Variants in AOPEP observed in about 807,000 individuals in gnomAD.
AOPEP encodes the protein aminopeptidase O.
In AOPEP, 77 loss-of-function variants were observed where a neutral mutation model predicts 98.1. The observed-to-expected ratio is 0.78, with a 90% CI of 0.65 to 0.95. The LOEUF is 0.95. AOPEP is among the 40% of genes least tolerant of loss of function. The pLI is 0.00. For synonymous variants in AOPEP, 346 were observed against 365.3 expected, an observed-to-expected ratio of 0.95 and a Z score of 0.60; for missense variants, 1,024 against 1,024.7, an observed-to-expected ratio of 1.00 and a Z score of 0.01.
intron 9 of AOPEP, among the ~76,000 whole-genome samples, chr9:94,967,355 G>C (rs1379047430): frequency 6.6e-6 from 1 of 152,160 alleles, no homozygotes; most frequent in Admixed American, 6.5e-5. Context: ...AGCAACGCAA[G>C]AGAGTTGCAG....
chr9:94,760,177 T>C lies in AOPEP; in HGVS notation c.394T>C (p.Cys132Arg). 2 of 1,614,228 alleles carry C rather than the reference T, an allele frequency of 1.2e-6. No individual in the cohort carries two copies. Among genetic ancestry groups the C allele is most frequent in the Non-Finnish European group, 1.7e-6 (2 of 1,180,042 alleles). Residue 132 changes from cysteine (C) to arginine (R), a missense_variant, in exon 2 of 17, where the codon TGT (cysteine) becomes CGT (arginine). Transcript: ENST00000375315. ...TGGGATTTCTAGCTCAAAGTACTGCTGTGACACAGGGAATCATGGGAGTGA... is the reference window on the plus strand; with the variant it reads ...TGGGATTTCTAGCTCAAAGTACTGCCGTGACACAGGGAATCATGGGAGTGA... ...ASGISSSKYC[C>R]DTGNHGSEDF... is the part of the protein sequence containing the mutation.
chr9:95,054,631 C>T (rs1284514184), intron 13 of AOPEP, among the ~76,000 whole-genome samples: 1 of 152,122 alleles, frequency 6.6e-6, no homozygotes, highest in Non-Finnish European at 1.5e-5. Flanking sequence ...TTCTGTGGTG[C>T]CACTTTTAGA....
chr9:94,957,369 T>G (rs943797853), intron 9 of AOPEP, among the ~76,000 whole-genome samples: 1 of 152,028 alleles, frequency 6.6e-6, no homozygotes, highest in Admixed American at 6.6e-5. Context: ...CACGACACCC[T>G]GCTAATTTTT....
intron 13 of AOPEP, among the ~76,000 whole-genome samples, chr9:95,017,156 G>T (rs1007147549): frequency 6.6e-6 from 1 of 151,996 alleles, no homozygotes; most frequent in Non-Finnish European, 1.5e-5. Context: ...GATCCTATTC[G>T]TATACAAGTG....
chr9:95,079,994 T>G (rs2069554309), intron 14 of AOPEP, among the ~76,000 whole-genome samples: 1 of 152,096 alleles, frequency 6.6e-6, no homozygotes, highest in Non-Finnish European at 1.5e-5. Flanking sequence ...CAGCACTGAG[T>G]CAAATCTGCT....
intron 11 of AOPEP, among the ~76,000 whole-genome samples, chr9:95,001,279 T>C (rs532117194): frequency 7.9e-5 from 12 of 152,378 alleles, no homozygotes; most frequent in African/African-American, 2.9e-4. Context: ...AGCAATGGTA[T>C]TTTCCTCAGC....
chr9:95,050,632 C>G (rs574230044), intron 13 of AOPEP, among the ~76,000 whole-genome samples: 2 of 152,342 alleles, frequency 1.3e-5, no homozygotes, highest in East Asian at 3.9e-4. Flanking sequence ...ACCACCTCCC[C>G]CCTGCTCCTT....
At chr9:94,906,303 A>C (rs2051125072) in intron 5 of AOPEP, among the ~76,000 whole-genome samples, 1 of 151,664 alleles carries the variant, frequency 6.6e-6, no homozygotes, top group Non-Finnish European at 1.5e-5. Context: ...TACAAAAAAA[A>C]AAAAATGTAA....
In AOPEP at chr9:95,066,432, C is replaced by G. The variant is rs974691460; in HGVS notation, c.2232+5622C>G. ...TGTTTTGTTTACTGTGAATTTATAG[C>G]AAATGAAAGTAAAGAAGAAGCAAGC... On this transcript the variant is annotated intron_variant, in intron 14 of 16. Coordinates refer to ENST00000375315, the MANE Select transcript of AOPEP (RefSeq NM_001193329.3). Among the ~76,000 whole-genome samples, 3 of 152,184 alleles carry G rather than the reference C, an allele frequency of 2.0e-5. No homozygotes were observed. The East Asian group carries it at 5.8e-4, about 29-fold the overall frequency.
At chr9:94,903,366 C>T (rs2050682148) in intron 5 of AOPEP, among the ~76,000 whole-genome samples, 2 of 152,048 alleles carry the variant, frequency 1.3e-5, no homozygotes. Context: ...AAGATCATAA[C>T]AGGCAGCAGG....
At chr9:94,943,809 A>T (rs2057295386) in intron 7 of AOPEP, among the ~76,000 whole-genome samples, 1 of 148,890 alleles carries the variant, frequency 6.7e-6, no homozygotes, top group Non-Finnish European at 1.5e-5. Flanking sequence ...AATCCCAGCT[A>T]CTCGGGAGGC....
intron 5 of AOPEP, among the ~76,000 whole-genome samples, chr9:94,814,736 A>G (rs1249935389): frequency 6.6e-6 from 1 of 152,240 alleles, no homozygotes; most frequent in Non-Finnish European, 1.5e-5. Context: ...AGCATCCTTA[A>G]GATCTAATAC....
chr9:94,921,445 G>A (rs1191671350), intron 5 of AOPEP: 1 of 152,186 alleles, frequency 6.6e-6, no homozygotes, highest in Non-Finnish European at 1.5e-5. Context: ...CTTGAAGTGA[G>A]CTAAAGAGAA....
At chr9:94,770,700 C>T (rs1840670281) in intron 2 of AOPEP, among the ~76,000 whole-genome samples, 2 of 152,206 alleles carry the variant, frequency 1.3e-5, no homozygotes, top group Non-Finnish European at 2.9e-5. Flanking sequence ...AAAATAGTCT[C>T]AGAAGTGACA....
chr9:94,817,193 T>C (rs113969030), intron 5 of AOPEP, among the ~76,000 whole-genome samples: 31 of 152,168 alleles, frequency 2.0e-4, no homozygotes, highest in African/African-American at 7.0e-4. Context: ...TTTGTAGAGA[T>C]GGGGTTTCGC....
chr9:95,149,630 C>T, the AOPEP span, among the ~76,000 whole-genome samples: 7 of 152,042 alleles, frequency 4.6e-5, no homozygotes, highest in African/African-American at 1.7e-4. Context: ...AGGCACACAC[C>T]ACCATGCTTG....
intron 10 of AOPEP, among the ~76,000 whole-genome samples, chr9:94,969,299 G>T (rs893647314): frequency 6.6e-6 from 1 of 151,984 alleles, no homozygotes; most frequent in Non-Finnish European, 1.5e-5. Flanking sequence ...CACCGACAGG[G>T]TTTGCAGAGG....
intron 5 of AOPEP, among the ~76,000 whole-genome samples, chr9:94,867,058 C>A (rs1049451826): frequency 6.6e-6 from 1 of 152,160 alleles, no homozygotes; most frequent in Non-Finnish European, 1.5e-5. Context: ...GAGCTAATGA[C>A]ACATTAGTCC....
chr9:95,025,469 G>A lies in AOPEP; in HGVS notation c.2115+19853G>A, dbSNP rs564586139. On this transcript the variant is annotated intron_variant, in intron 13 of 16. Transcript: ENST00000375315. ...TTGATGAGTCTGCAAAGCAGAGCTG[G>A]TAGGTTAGCTGCCAGAGCTGACCCC... 3.9e-5 allele frequency among the ~76,000 whole-genome samples: 6 copies of A among 152,356 alleles called. No individual in the cohort carries two copies. In the South Asian group the frequency reaches 1.2e-3, roughly 32 times the overall value.
Sources: allele counts gnomAD v4.1 joint callset (sites outside exome capture counted in the v4.1 genomes callset), GRCh38; gene constraint gnomAD v4.1.1; transcripts MANE v1.5; gene names NCBI Gene and HGNC (gene_info 2026-07-23, HGNC 2026-07-21).